Variants in ASTN2 observed in about 807,000 individuals in gnomAD.
The protein encoded by ASTN2 is astrotactin 2.
In ASTN2, 54 loss-of-function variants were observed where a neutral mutation model predicts 139.8. That is an observed-to-expected ratio of 0.39 (90% CI 0.31 to 0.48). The LOEUF (loss-of-function observed/expected upper bound fraction) is 0.48, where lower values mean the gene tolerates loss of function less well. Among genes scored for constraint, ASTN2 ranks in the 20% least tolerant of loss-of-function variants. ASTN2 has a pLI of 0.95. For missense variants in ASTN2, 1,565 were observed against 1,725.1 expected, an observed-to-expected ratio of 0.91 and a Z score of 1.64; for synonymous variants, 756 against 719.5, an observed-to-expected ratio of 1.05 and a Z score of -0.81.
chr9:117,301,637 A>G (rs188377641), intron 1 of ASTN2, among the ~76,000 whole-genome samples: 4 of 152,328 alleles, frequency 2.6e-5, no homozygotes, highest in African/African-American at 9.6e-5. Context: ...AATCAAGTGT[A>G]TGCCAGGAGG....
intron 5 of ASTN2, among the ~76,000 whole-genome samples, chr9:117,057,642 T>C (rs1188128277): frequency 6.6e-6 from 1 of 152,164 alleles, no homozygotes; most frequent in East Asian, 1.9e-4. Context: ...GTGCTTAGAG[T>C]AGAAGTAACA....
At chr9:116,570,682 C>T (rs908527496) in intron 19 of ASTN2, among the ~76,000 whole-genome samples, 4 of 152,234 alleles carry the variant, frequency 2.6e-5, no homozygotes, top group African/African-American at 9.6e-5. Context: ...CAGGCGTGAG[C>T]CACCGCGCCC....
intron 1 of ASTN2, among the ~76,000 whole-genome samples, chr9:117,353,966 C>T (rs1367260705): frequency 2.0e-5 from 3 of 152,162 alleles, no homozygotes; most frequent in Non-Finnish European, 4.4e-5. Context: ...GTATGAATAA[C>T]AGTGGTGAAT....
intron 19 of ASTN2, among the ~76,000 whole-genome samples, chr9:116,538,563 A>AGTTTTAAG (rs1851744698): frequency 6.6e-6 from 1 of 152,196 alleles, no homozygotes; most frequent in South Asian, 2.1e-4. Context: ...AATTCACTCA[A>AGTTTTAAG]GTTTTAAGGT....
chr9:117,257,393 A>G (rs1186990006), intron 2 of ASTN2, among the ~76,000 whole-genome samples: 2 of 152,194 alleles, frequency 1.3e-5, no homozygotes, highest in African/African-American at 4.8e-5. Flanking sequence ...GAAACTGTGA[A>G]CACAGATTTT....
At chr9:116,537,782 A>C (rs1655229566) in intron 19 of ASTN2, among the ~76,000 whole-genome samples, 1 of 152,244 alleles carries the variant, frequency 6.6e-6, no homozygotes, top group Non-Finnish European at 1.5e-5. Flanking sequence ...TCAAAAAATC[A>C]AACCTCTAGA....
In ASTN2 at chr9:117,008,194, G is replaced by T; in HGVS notation, c.1489C>A (p.Leu497Ile). ...DISDWLNPAKLSLYYQINATS... is the reference protein window; with the variant it reads ...DISDWLNPAKISLYYQINATS... ...GCATTGATCTGGTAATACAGGGAAA[G>T]CTTGGCCGGGTTTAACCAGTCGGAG... The change falls in exon 7 of 23, where the codon CTT (leucine) becomes ATT (isoleucine). Residue 497 changes from leucine (L) to isoleucine (I), a missense_variant. By Grantham distance (5) the Leu-to-Ile change is conservative. Around this residue, in one of 4 missense-constraint regions of ASTN2, gnomAD observed 503 missense variants for 591.7 expected, o/e 0.85. Coordinates refer to ENST00000313400, the MANE Select transcript of ASTN2 (RefSeq NM_001365068.1). 1 of 1,611,902 alleles carries T rather than the reference G, an allele frequency of 6.2e-7. No individual in the cohort carries two copies. The highest frequency in any genetic ancestry group is 8.5e-7 in the Non-Finnish European group (1 of 1,179,006).
At chr9:116,540,986 G>GT (rs1185241923) in intron 19 of ASTN2, among the ~76,000 whole-genome samples, 1 of 150,330 alleles carries the variant, frequency 6.7e-6, no homozygotes, top group East Asian at 2.0e-4. Context: ...AGGGGAAAAA[G>GT]TTTGAATGCC....
At chr9:116,428,405 C>T (rs10739461) in intron 22 of ASTN2, among the ~76,000 whole-genome samples, 120,374 of 151,898 alleles carry the variant, frequency 0.79, 47,695 homozygotes, top group South Asian at 0.86. Context: ...GTACCTGTAA[C>T]CCCAGCTACT....
intron 1 of ASTN2, among the ~76,000 whole-genome samples, chr9:117,397,678 C>T (rs892618329): frequency 2.0e-5 from 3 of 152,148 alleles, no homozygotes; most frequent in Admixed American, 6.5e-5. Flanking sequence ...GTTTACGGTG[C>T]GTCTATTACT....
chr9:116,446,293 AG>A (rs1245012629), intron 20 of ASTN2, among the ~76,000 whole-genome samples: 100 of 151,258 alleles, frequency 6.6e-4, no homozygotes, highest in African/African-American at 2.4e-3. Context: ...AGAGAGAGAG[AG>A]AGAGAGAGAG....
chr9:116,767,730 G>A lies in ASTN2; in HGVS notation c.2397-34207C>T, dbSNP rs1829847620. 2.6e-5 allele frequency among the ~76,000 whole-genome samples: 4 copies of A among 152,120 alleles called. No homozygotes were observed. In the South Asian group the frequency reaches 8.3e-4, roughly 32 times the overall value. On this transcript the variant is annotated intron_variant, in intron 13 of 22. Coordinates refer to ENST00000313400, the MANE Select transcript of ASTN2 (RefSeq NM_001365068.1). ...CTATGCTCAGAACCCTCGTGAGCAG[G>A]GGTCCCTGCAGCCAGAACTAGCAGA...
intron 13 of ASTN2, among the ~76,000 whole-genome samples, chr9:116,788,027 C>A (rs912299469): frequency 1.3e-5 from 2 of 152,010 alleles, no homozygotes; most frequent in Admixed American, 1.3e-4. Flanking sequence ...CCTATCTGAA[C>A]CTGGAGGACA....
At chr9:116,532,871 T>C (rs1302291364) in intron 19 of ASTN2, among the ~76,000 whole-genome samples, 1 of 152,232 alleles carries the variant, frequency 6.6e-6, no homozygotes, top group African/African-American at 2.4e-5. Context: ...ACATGAACTT[T>C]AAAGTAGTTT....
chr9:116,586,748 G>A (rs1854159832), intron 19 of ASTN2, among the ~76,000 whole-genome samples: 1 of 150,702 alleles, frequency 6.6e-6, no homozygotes, highest in Non-Finnish European at 1.5e-5. Flanking sequence ...TCATGTAGTA[G>A]AGCTATGTAA....
intron 11 of ASTN2, among the ~76,000 whole-genome samples, chr9:116,835,369 T>G (rs1041710880): frequency 7.9e-5 from 12 of 152,298 alleles, no homozygotes; most frequent in East Asian, 7.7e-4. Flanking sequence ...TATTTTGAAA[T>G]GGCCCTGCAA....
intron 2 of ASTN2, among the ~76,000 whole-genome samples, chr9:117,277,674 T>C (rs1416678576): frequency 1.3e-5 from 2 of 152,160 alleles, no homozygotes; most frequent in Non-Finnish European, 1.5e-5. Context: ...CTCCTAGTAA[T>C]AGTGGTAGTG....
Position 116,642,350 on chromosome 9 carries a change from C to T in ASTN2, c.3072+9178G>A, listed in dbSNP as rs572614994. ...ACTATATTATTTACTGTGCTGATTG[C>T]TTATTTCATGTCTCTCTCACACACA... is the stretch of plus-strand genomic sequence containing the variant. On this transcript the variant is annotated intron_variant, in intron 17 of 22. Transcript: ENST00000313400. 7.9e-5 allele frequency among the ~76,000 whole-genome samples: 12 copies of T among 152,020 alleles called. No individual in the cohort carries two copies. The East Asian group carries it at 1.9e-3, about 24-fold the overall frequency.
chr9:117,080,608 C>A lies in ASTN2; in HGVS notation c.1276+15436G>T, dbSNP rs184867557. Among the ~76,000 whole-genome samples, 680 of 152,194 alleles carry A rather than the reference C, an allele frequency of 4.5e-3. 2 individuals are homozygous for A. The highest frequency in any genetic ancestry group is 0.015 in the African/African-American group (633 of 41,516). On this transcript the variant is annotated intron_variant, in intron 5 of 22. Coordinates refer to ENST00000313400, the MANE Select transcript of ASTN2 (RefSeq NM_001365068.1). ...AGCTCTCGAAGGTTTTCATTTATTTCTATTTTTCTATGTCCCTTTAGTAGA... is the reference window on the plus strand; with the variant it reads ...AGCTCTCGAAGGTTTTCATTTATTTATATTTTTCTATGTCCCTTTAGTAGA...
Sources: gnomAD v4.1 joint callset for allele counts (sites outside exome capture counted in the v4.1 genomes callset) on GRCh38, gnomAD v4.1.1 for gene constraint, gnomAD v4.1.1 regional missense constraint, MANE v1.5 for transcripts, NCBI Gene and HGNC (gene_info 2026-07-23, HGNC 2026-07-21) for gene names.